The following NRG1 variants were observed in gnomAD, a reference collection of about 807,000 sequenced individuals.
NRG1 encodes the protein pro-neuregulin-1, membrane-bound isoform.
Under a neutral mutation model 63.8 loss-of-function variants are expected in NRG1, and 18 were observed. That is an observed-to-expected ratio of 0.28 (90% CI 0.19 to 0.42). NRG1 has a LOEUF of 0.42. Among genes scored for constraint, NRG1 ranks in the 10% least tolerant of loss-of-function variants. The pLI is 1.00. For missense variants in NRG1, 762 were observed against 814.7 expected (o/e 0.94, Z 0.79); for synonymous variants, 302 against 301.3 (o/e 1.00, Z -0.02).
intron 5 of NRG1, chr8:32,647,476 C>A: frequency 1.0e-6 from 1 of 985,380 alleles, no homozygotes; most frequent in South Asian, 4.7e-5. Context: ...TTTAAAAGAA[C>A]TAGAAAAGTG....
At chr8:32,173,355 A>G (rs1431017037) in intron 1 of NRG1, among the ~76,000 whole-genome samples, 1 of 152,252 alleles carries the variant, frequency 6.6e-6, no homozygotes, top group African/African-American at 2.4e-5. Context: ...AAACATGGAA[A>G]GGAACAACCA....
At chr8:32,202,398 A>C (rs995988182) in intron 1 of NRG1, among the ~76,000 whole-genome samples, 3 of 152,172 alleles carry the variant, frequency 2.0e-5, no homozygotes, top group Non-Finnish European at 4.4e-5. Flanking sequence ...CAGGAGCAGA[A>C]GCCAGGGTGA....
Position 32,437,306 on chromosome 8 carries a change from T to G in NRG1, c.38-158522T>G, listed in dbSNP as rs6998650. Among the ~76,000 whole-genome samples the G allele has an allele frequency of 6.3e-3, 960 of 152,162 alleles. 6 individuals are homozygous for G. Among genetic ancestry groups the G allele is most frequent in the African/African-American group, 0.022 (894 of 41,524 alleles). ...TCCTGTGTGCCTCCTTTAGTGTTTT[T>G]TTTGTTTGTTTGTTTTTGTTTGTTT... is the stretch of plus-strand genomic sequence containing the variant. On this transcript the variant is annotated intron_variant, in intron 1 of 10. Coordinates refer to the NRG1 transcript ENST00000519301.
At chr8:31,870,083 A>C (rs2129611453) in intron 1 of NRG1, among the ~76,000 whole-genome samples, 1 of 152,342 alleles carries the variant, frequency 6.6e-6, no homozygotes, top group Admixed American at 6.5e-5. Context: ...GAATGAGTTT[A>C]GGTTTTTCTT....
intron 1 of NRG1, among the ~76,000 whole-genome samples, chr8:31,904,604 T>C (rs1832369723): frequency 6.6e-6 from 1 of 152,126 alleles, no homozygotes; most frequent in Admixed American, 6.5e-5. Flanking sequence ...GTGTTCACAA[T>C]AGCAAAGACA....
chr8:32,376,699 C>CTG (rs1809674188), intron 1 of NRG1, among the ~76,000 whole-genome samples: 1 of 152,174 alleles, frequency 6.6e-6, no homozygotes. Flanking sequence ...AGAGCAAGCC[C>CTG]TGTGTACTGA....
At chr8:32,162,677 CT>C (rs1362363378) in intron 1 of NRG1, among the ~76,000 whole-genome samples, 1 of 152,036 alleles carries the variant, frequency 6.6e-6, no homozygotes, top group African/African-American at 2.4e-5. Flanking sequence ...AAACTCAAGA[CT>C]CTTAAATTTG....
chr8:32,634,396 C>T (rs1025513688), intron 5 of NRG1, among the ~76,000 whole-genome samples: 1 of 152,262 alleles, frequency 6.6e-6, no homozygotes, highest in Admixed American at 6.5e-5. Context: ...CTTGTTGATG[C>T]TCAAAGAATT....
intron 5 of NRG1, among the ~76,000 whole-genome samples, chr8:32,624,571 A>G (rs1848871857): frequency 6.6e-6 from 1 of 152,232 alleles, no homozygotes; most frequent in South Asian, 2.1e-4. Flanking sequence ...AGACAAAACT[A>G]AGCAGGATGA....
intron 1 of NRG1, among the ~76,000 whole-genome samples, chr8:32,526,839 A>G (rs1474894219): frequency 2.6e-5 from 4 of 152,094 alleles, no homozygotes; most frequent in African/African-American, 9.7e-5. Context: ...TCTGACTCAC[A>G]GGCTCCTTTG....
chr8:32,409,070 G>T (rs1031472244), intron 1 of NRG1, among the ~76,000 whole-genome samples: 9 of 152,120 alleles, frequency 5.9e-5, no homozygotes, highest in Admixed American at 2.0e-4. Context: ...GACATGAATT[G>T]ATTCTTTTGT....
intron 1 of NRG1, among the ~76,000 whole-genome samples, chr8:32,524,747 C>A (rs62500191): frequency 0.2 from 29,941 of 152,130 alleles, 3,482 homozygotes; most frequent in South Asian, 0.3. Context: ...ACCACTACAT[C>A]TAATGAATCA....
At chr8:32,201,860 G>T (rs565280003) in intron 1 of NRG1, among the ~76,000 whole-genome samples, 1 of 152,284 alleles carries the variant, frequency 6.6e-6, no homozygotes, top group Admixed American at 6.5e-5. Context: ...CAGTTGAAGG[G>T]ACCTCAAGAA....
chr8:32,224,963 G>A (rs576950928), intron 1 of NRG1, among the ~76,000 whole-genome samples: 12 of 152,258 alleles, frequency 7.9e-5, no homozygotes, highest in African/African-American at 2.9e-4. Flanking sequence ...TCTGAGTCAT[G>A]ATAAAGATGA....
At chr8:31,754,449 C>T (rs1816773758) in intron 1 of NRG1, among the ~76,000 whole-genome samples, 1 of 152,072 alleles carries the variant, frequency 6.6e-6, no homozygotes, top group Non-Finnish European at 1.5e-5. Flanking sequence ...TTGCCTTCCA[C>T]CATGATTGTA....
chr8:32,516,329 A>T (rs192047701), intron 1 of NRG1, among the ~76,000 whole-genome samples: 11 of 152,196 alleles, frequency 7.2e-5, no homozygotes, highest in Admixed American at 7.2e-4. Flanking sequence ...TTGTTACTGT[A>T]GCCTTATAGT....
At chr8:32,773,354 G>A (rs1375097009) in intron 7 of NRG1, among the ~76,000 whole-genome samples, 1 of 152,080 alleles carries the variant, frequency 6.6e-6, no homozygotes, top group East Asian at 1.9e-4. Flanking sequence ...TGAAGGGAAG[G>A]AACTTGAATC....
intron 1 of NRG1, among the ~76,000 whole-genome samples, chr8:31,687,877 T>C (rs1390775771): frequency 1.3e-5 from 2 of 152,208 alleles, no homozygotes; most frequent in Non-Finnish European, 2.9e-5. Flanking sequence ...CACCAGAGCA[T>C]GACCTTAGGT....
At chr8:31,870,188 C>G (rs1829352930) in intron 1 of NRG1, among the ~76,000 whole-genome samples, 1 of 151,042 alleles carries the variant, frequency 6.6e-6, no homozygotes, top group African/African-American at 2.4e-5. Flanking sequence ...CTTGCAGAAG[C>G]AAGATAAGAG....
Sources: allele counts gnomAD v4.1 joint callset (sites outside exome capture counted in the v4.1 genomes callset), GRCh38; gene constraint gnomAD v4.1.1; transcripts MANE v1.5; gene names NCBI Gene and HGNC (gene_info 2026-07-23, HGNC 2026-07-21).